TLN2: variants seen among roughly 807,000 people sequenced by gnomAD.
The protein encoded by TLN2 is talin 2.
A neutral mutation model predicts 294.7 loss-of-function variants in TLN2; 118 were observed. That is an observed-to-expected ratio of 0.40 (90% CI 0.34 to 0.47). TLN2 has a LOEUF of 0.47. Among genes scored for constraint, TLN2 ranks in the 20% least tolerant of loss-of-function variants. TLN2 has a pLI of 0.84. For missense variants in TLN2, 3,083 were observed against 3,282.2 expected, an observed-to-expected ratio of 0.94 and a Z score of 1.48; for synonymous variants, 1,431 against 1,304.5, an observed-to-expected ratio of 1.10 and a Z score of -2.09.
At chr15:62,410,669 G>A (rs989127865) in intron 1 of TLN2, among the ~76,000 whole-genome samples, 2 of 152,218 alleles carry the variant, frequency 1.3e-5, no homozygotes, top group African/African-American at 4.8e-5. Flanking sequence ...TGAGGGATGG[G>A]CGCAGCCTCT....
chr15:62,807,360 A>G lies in TLN2; in HGVS notation c.6663+1575A>G, dbSNP rs77727835. On this transcript the variant is annotated intron_variant, in intron 51 of 58. Coordinates refer to ENST00000636159, the MANE Select transcript of TLN2 (RefSeq NM_015059.3). ...CGAGAGTAATTATTCTGTTTGTTAC[A>G]TGATGAAATGGGCTCAGAGAGAGAA... 8.4e-3 allele frequency among the ~76,000 whole-genome samples: 1,285 copies of G among 152,338 alleles called. 20 individuals carry two copies. The highest frequency in any genetic ancestry group is 0.028 in the African/African-American group (1,172 of 41,580).
At chr15:62,794,949 G>A (rs1201276904) in intron 46 of TLN2, among the ~76,000 whole-genome samples, 4 of 152,188 alleles carry the variant, frequency 2.6e-5, no homozygotes, top group South Asian at 2.1e-4. Flanking sequence ...GTGTGTGCAC[G>A]CAGAGGTTAA....
At position 62,510,009 on chromosome 15, in the gene TLN2, A is replaced by G. The variant is rs150114036; in HGVS notation, c.-237-79678A>G. On this transcript the variant is annotated intron_variant, in intron 1 of 58. Transcript: ENST00000636159. ...TATTTCTGTAAGTCATGTGAAAAAAAAATGTTTTTAGCGAATAGGGAAAGT... is the reference window on the plus strand; with the variant it reads ...TATTTCTGTAAGTCATGTGAAAAAAGAATGTTTTTAGCGAATAGGGAAAGT... Among the ~76,000 whole-genome samples the G allele has an allele frequency of 1.0e-3, 152 of 152,364 alleles. 3 individuals are homozygous for G. The East Asian group carries it at 0.023, about 24-fold the overall frequency.
At chr15:62,802,611 C>A (rs570013547) in intron 50 of TLN2, among the ~76,000 whole-genome samples, 29 of 152,302 alleles carry the variant, frequency 1.9e-4, no homozygotes, top group Middle Eastern at 3.4e-3. Flanking sequence ...ATTGCTGGAT[C>A]ACAAAGTAGC....
chr15:62,439,897 T>C (rs149649953), intron 1 of TLN2, among the ~76,000 whole-genome samples: 50 of 152,330 alleles, frequency 3.3e-4, no homozygotes, highest in African/African-American at 1.2e-3. Flanking sequence ...GTATTTCAGC[T>C]GTCTCTGGGT....
intron 31 of TLN2, 121 bp from the exon 32 acceptor site, chr15:62,740,509 G>A (rs2061267346): frequency 1.5e-6 from 2 of 1,336,978 alleles, no homozygotes; most frequent in Non-Finnish European, 2.1e-6. Flanking sequence ...GGGCTAACTG[G>A]GTTTAATGTG....
intron 1 of TLN2, among the ~76,000 whole-genome samples, chr15:62,575,069 T>C (rs2140660599): frequency 6.6e-6 from 1 of 152,256 alleles, no homozygotes; most frequent in Non-Finnish European, 1.5e-5. Flanking sequence ...TTCTAACACT[T>C]TGGGAGGCTG....
intron 1 of TLN2, among the ~76,000 whole-genome samples, chr15:62,517,311 G>A (rs2140464101): frequency 6.6e-6 from 1 of 152,256 alleles, no homozygotes; most frequent in Admixed American, 6.5e-5. Flanking sequence ...ACTGCTGTTA[G>A]TAGAAAATCA....
intron 9 of TLN2, 96 bp downstream of exon 9, chr15:62,657,994 A>G: frequency 8.5e-7 from 1 of 1,181,312 alleles, no homozygotes; most frequent in East Asian, 2.6e-5. Context: ...ATCATACCCT[A>G]ATTTCAATCA....
intron 42 of TLN2, among the ~76,000 whole-genome samples, chr15:62,773,724 A>G (rs1364417882): frequency 1.3e-5 from 2 of 152,212 alleles, no homozygotes; most frequent in Admixed American, 1.3e-4. Flanking sequence ...GGGGTCAAAC[A>G]TAATTGGATT....
intron 1 of TLN2, among the ~76,000 whole-genome samples, chr15:62,431,665 G>C (rs574779308): frequency 6.6e-6 from 1 of 152,296 alleles, no homozygotes; most frequent in South Asian, 2.1e-4. Flanking sequence ...TTATAGCTCA[G>C]CAAACATGGA....
intron 18 of TLN2, 131 bp downstream of exon 18, chr15:62,702,331 C>G (rs1220916459): frequency 7.5e-6 from 8 of 1,064,440 alleles, no homozygotes; most frequent in Non-Finnish European, 1.1e-5. Flanking sequence ...GCAGGAGTAA[C>G]TGGAGTTGTG....
rs145493383 is a variant in TLN2, at chr15:62,503,773, G to T, written c.-237-85914G>T. 1.1e-4 allele frequency among the ~76,000 whole-genome samples: 16 copies of T among 152,144 alleles called. No individual in the cohort carries two copies. In the East Asian group the frequency reaches 3.1e-3, roughly 29 times the overall value. The stretch of plus-strand genomic sequence containing the variant: ...TATTGGTTTCTTCTCATTCCTCTCC[G>T]TTCTGTGAGCTTGTCAGAGAACCTG... On this transcript the variant is annotated intron_variant, in intron 1 of 58. Coordinates refer to ENST00000636159, the MANE Select transcript of TLN2 (RefSeq NM_015059.3).
intron 1 of TLN2, among the ~76,000 whole-genome samples, chr15:62,541,712 T>C (rs564211146): frequency 2.0e-5 from 3 of 152,176 alleles, no homozygotes; most frequent in Non-Finnish European, 4.4e-5. Flanking sequence ...CTGAAATGTT[T>C]TGTGACAATT....
chr15:62,432,030 C>G (rs767409053), intron 1 of TLN2, among the ~76,000 whole-genome samples: 1 of 152,196 alleles, frequency 6.6e-6, no homozygotes, highest in Non-Finnish European at 1.5e-5. Flanking sequence ...ATGCAGACAA[C>G]AAATTCACTT....
In TLN2 at chr15:62,712,114, CTA is replaced by C. The variant is rs1372036794; in HGVS notation, c.2634+39_2634+40del. On this transcript the variant is annotated intron_variant, in intron 22 of 58. Coordinates refer to ENST00000636159, the MANE Select transcript of TLN2 (RefSeq NM_015059.3). Reference sequence around the variant, plus strand: ...GATTTGTTTGTATGAAAAGTGAACACTATTAAGTGTTAGGATTTGGAAGGTAC... The same window carrying C: ...GATTTGTTTGTATGAAAAGTGAACACTTAAGTGTTAGGATTTGGAAGGTAC... 11 of 1,597,508 alleles carry C rather than the reference CTA, an allele frequency of 6.9e-6. No individual in the cohort carries two copies. In the Admixed American group the frequency reaches 1.2e-4, roughly 17 times the overall value.
chr15:62,731,736 A>G (rs1194055667), intron 28 of TLN2, among the ~76,000 whole-genome samples: 1 of 152,142 alleles, frequency 6.6e-6, no homozygotes, highest in Non-Finnish European at 1.5e-5. Flanking sequence ...TCACTCCTTC[A>G]TTTCAAGATC....
chr15:62,493,158 C>T (rs2038839153), intron 1 of TLN2, among the ~76,000 whole-genome samples: 1 of 152,206 alleles, frequency 6.6e-6, no homozygotes, highest in Admixed American at 6.5e-5. Context: ...GAACAGCTGT[C>T]TGCCAGCTGC....
chr15:62,784,142 C>A, intron 45 of TLN2: 1 of 545,588 alleles, frequency 1.8e-6, no homozygotes, highest in South Asian at 3.9e-5. Context: ...ACTTTGTATA[C>A]AGTGTTCTAT....
Sources: gnomAD v4.1 joint callset for allele counts (sites outside exome capture counted in the v4.1 genomes callset) on GRCh38, gnomAD v4.1.1 for gene constraint, MANE v1.5 for transcripts, NCBI Gene and HGNC (gene_info 2026-07-23, HGNC 2026-07-21) for gene names.